Variants in CFAP92 observed in about 807,000 individuals in gnomAD.
The protein encoded by CFAP92 is cilia and flagella associated protein 92 (putative), also known as uncharacterized protein CFAP92.
In CFAP92, 86 loss-of-function variants were observed where a neutral mutation model predicts 106.3. The observed-to-expected ratio is 0.81, with a 90% CI of 0.68 to 0.97. The LOEUF is 0.97. CFAP92 is among the 50% of genes least tolerant of loss of function. The probability of loss-of-function intolerance (pLI) is 0.00; values close to 1 mark genes in which losing one functional copy is unlikely to be tolerated. For synonymous variants in CFAP92, 477 were observed against 506.4 expected, an observed-to-expected ratio of 0.94 and a Z score of 0.78; for missense variants, 1,204 against 1,283.8, an observed-to-expected ratio of 0.94 and a Z score of 0.95.
chr3:128,953,564 A>ACGGT (rs1553750661), intron 9 of CFAP92, among the ~76,000 whole-genome samples: 2 of 141,828 alleles, frequency 1.4e-5, no homozygotes, highest in East Asian at 4.1e-4. Flanking sequence ...AAGCAGCAAC[A>ACGGT]CGGTCTCCCT....
the CFAP92 span, among the ~76,000 whole-genome samples, chr3:129,021,519 A>G: frequency 1.3e-5 from 2 of 152,156 alleles, no homozygotes; most frequent in African/African-American, 4.8e-5. Flanking sequence ...GGTTGTGGTG[A>G]GACTAGATCA....
chr3:128,945,118 G>A lies in CFAP92; in HGVS notation c.2211C>T (p.Gly737=), dbSNP rs1452787982. ...DGKTHLFILE[G]LADQGLRQLW... ...GCTGCCTCAAGCCTTGGTCGGCCAG[G>A]CCTTCCAGGATGAAAAGGTGTGTCT... is the stretch of plus-strand genomic sequence containing the variant. The change falls in exon 10 of 16, where the codon GGC becomes GGT. Residue 737 remains glycine (G), a synonymous_variant. Coordinates refer to ENST00000645291, the MANE Select transcript of CFAP92 (RefSeq NM_001394090.1). 6.5e-7 allele frequency: 1 copy of A among 1,535,146 alleles called. No individual in the cohort carries two copies. The highest frequency in any genetic ancestry group is 8.7e-7 in the Non-Finnish European group (1 of 1,146,170).
chr3:129,015,143 C>G, the CFAP92 span, among the ~76,000 whole-genome samples: 7 of 152,320 alleles, frequency 4.6e-5, no homozygotes, highest in African/African-American at 1.7e-4. Flanking sequence ...TGGTGACCAT[C>G]ATGACTGTGA....
At chr3:129,001,462 G>A (rs1241523426) in intron 1 of CFAP92, among the ~76,000 whole-genome samples, 1 of 152,240 alleles carries the variant, frequency 6.6e-6, no homozygotes, top group African/African-American at 2.4e-5. Context: ...GGGTAAACCA[G>A]ACGCACTGTG....
intron 6 of CFAP92, among the ~76,000 whole-genome samples, chr3:128,976,582 CAG>C (rs934471851): frequency 6.6e-6 from 1 of 152,112 alleles, no homozygotes; most frequent in Non-Finnish European, 1.5e-5. Context: ...CTTGGGCTAC[CAG>C]AGACCCTAAG....
intron 15 of CFAP92, among the ~76,000 whole-genome samples, chr3:128,913,820 A>G (rs1179149404): frequency 1.3e-5 from 2 of 152,122 alleles, no homozygotes; most frequent in African/African-American, 4.8e-5. Flanking sequence ...GCAGGGCAGC[A>G]TTTTGCACAA....
the CFAP92 span, among the ~76,000 whole-genome samples, chr3:129,019,861 C>G: frequency 6.6e-6 from 1 of 151,248 alleles, no homozygotes; most frequent in Non-Finnish European, 1.5e-5. Context: ...CTCCACCTCC[C>G]AGATTCAAGC....
upstream of CFAP92, among the ~76,000 whole-genome samples, chr3:129,007,532 C>T (rs1035666601): frequency 1.3e-5 from 2 of 152,336 alleles, no homozygotes; most frequent in Admixed American, 1.3e-4. Context: ...CAACAAACAC[C>T]TTTCCAGCAT....
chr3:129,001,561 C>T (rs934857536), intron 1 of CFAP92: 1 of 1,347,938 alleles, frequency 7.4e-7, no homozygotes, highest in African/African-American at 1.5e-5. Flanking sequence ...ACTCTGGGGC[C>T]GCCCCTGGAA....
At chr3:128,984,944 GACAAC>G (rs1943761091) in intron 4 of CFAP92, among the ~76,000 whole-genome samples, 1 of 152,298 alleles carries the variant, frequency 6.6e-6, no homozygotes, top group African/African-American at 2.4e-5. Context: ...CAGGACTTAA[GACAAC>G]ATGTACACTA....
At chr3:128,996,014 C>T (rs368650509), upstream of CFAP92, among the ~76,000 whole-genome samples, 3 of 152,186 alleles carry the variant, frequency 2.0e-5, no homozygotes, top group Admixed American at 1.3e-4. Context: ...GGAAATGACA[C>T]TATGTGATTT....
chr3:129,024,004 C>CCCTGG, the CFAP92 span, among the ~76,000 whole-genome samples: 4 of 152,156 alleles, frequency 2.6e-5, no homozygotes, highest in African/African-American at 9.7e-5. Context: ...CTGGTCTTGT[C>CCCTGG]CCTGGCCTGG....
chr3:128,961,464 A>G (rs769701440), intron 9 of CFAP92, among the ~76,000 whole-genome samples: 1 of 149,536 alleles, frequency 6.7e-6, no homozygotes, highest in Non-Finnish European at 1.5e-5. Context: ...TAATCCTTTT[A>G]TCACCTCCCC....
At chr3:128,979,628 G>A (rs1006366055) in intron 4 of CFAP92, among the ~76,000 whole-genome samples, 12 of 152,146 alleles carry the variant, frequency 7.9e-5, no homozygotes, top group Admixed American at 5.2e-4. Flanking sequence ...AAAAAAGGAT[G>A]AGTTCATGTC....
chr3:128,967,959 A>C (rs1177562524), intron 8 of CFAP92: 1 of 152,220 alleles, frequency 6.6e-6, no homozygotes, highest in African/African-American at 2.4e-5. Flanking sequence ...TGCCAACCAA[A>C]ATGCCTCCAC....
At chr3:128,940,832 T>C (rs547319267) in intron 10 of CFAP92, among the ~76,000 whole-genome samples, 1 of 152,208 alleles carries the variant, frequency 6.6e-6, no homozygotes, top group East Asian at 1.9e-4. Context: ...TACATGTTGC[T>C]GTAAAGGGTT....
chr3:128,921,892 C>T (rs1362479706), intron 12 of CFAP92, among the ~76,000 whole-genome samples: 1 of 152,168 alleles, frequency 6.6e-6, no homozygotes, highest in East Asian at 1.9e-4. Context: ...GCACAATTCC[C>T]ATCTCCTTCC....
intron 10 of CFAP92, 66 bp from the exon 11 acceptor site, chr3:128,935,385 G>A: frequency 9.0e-7 from 1 of 1,113,150 alleles, no homozygotes; most frequent in South Asian, 1.7e-5. Context: ...TGGTGAGGGT[G>A]CGCTGTCAGG....
At chr3:129,019,888 C>G in the CFAP92 span, among the ~76,000 whole-genome samples, 11 of 151,452 alleles carry the variant, frequency 7.3e-5, no homozygotes, top group Middle Eastern at 3.4e-3. Context: ...CCTGCCTCAG[C>G]CTCCCAAGTA....
Sources: gnomAD v4.1 joint callset for allele counts (sites outside exome capture counted in the v4.1 genomes callset) on GRCh38, gnomAD v4.1.1 for gene constraint, MANE v1.5 for transcripts, NCBI Gene and HGNC (gene_info 2026-07-23, HGNC 2026-07-21) for gene names.